The following RNF26 variants were observed in gnomAD, a reference collection of about 807,000 sequenced individuals.
RNF26 encodes the protein E3 ubiquitin-protein ligase RNF26.
In RNF26, 8 loss-of-function variants were observed where a neutral mutation model predicts 25.4. That is an observed-to-expected ratio of 0.31 (90% CI 0.18 to 0.57). The LOEUF is 0.57. Ranked by LOEUF, RNF26 falls within the 20% of genes least tolerant of loss-of-function variation. RNF26 has a pLI of 0.90. For missense variants in RNF26, 470 were observed against 552.0 expected, an observed-to-expected ratio of 0.85 and a Z score of 1.49; for synonymous variants, 262 against 246.7, an observed-to-expected ratio of 1.06 and a Z score of -0.58.
In RNF26 at chr11:119,336,015, C is replaced by A. The variant is rs1424228482; in HGVS notation, c.893C>A (p.Ala298Glu). The A allele has an allele frequency of 1.9e-6, 3 of 1,613,510 alleles. No homozygotes were observed. The highest frequency in any genetic ancestry group is 2.5e-6 in the Non-Finnish European group (3 of 1,180,006). The change falls in exon 1 of 1, where the codon GCG (alanine) becomes GAG (glutamate). Residue 298 changes from alanine to glutamate, a missense_variant. Coordinates refer to ENST00000311413, the MANE Select transcript of RNF26 (RefSeq NM_032015.5). ...GTCTGGAGCCGCAGTCTGCAGCTGG[C>A]GAGTTGGCCAAACCGGGGAGGGGCA... ...RRVWSRSLQL[A>E]SWPNRGGAPG...
In RNF26 at chr11:119,336,209, G is replaced by C. The variant is rs1950440520; in HGVS notation, c.1087G>C (p.Gly363Arg). 1 of 1,614,090 alleles carries C rather than the reference G, an allele frequency of 6.2e-7. No homozygotes were observed. Among genetic ancestry groups the C allele is most frequent in the Non-Finnish European group, 8.5e-7 (1 of 1,180,040 alleles). The change falls in exon 1 of 1, where the codon GGT becomes CGT. Residue 363 changes from glycine to arginine, a missense_variant. By Grantham distance (125) the Gly-to-Arg change is moderately radical. Coordinates refer to ENST00000311413, the MANE Select transcript of RNF26 (RefSeq NM_032015.5). ...RERLNEEEPP[G>R]GQDPWKLLKE... ...GAGGCTCAATGAGGAGGAGCCTCCA[G>C]GTGGGCAAGACCCTTGGAAATTGCT...
In RNF26 at chr11:119,336,116, G is replaced by A. The variant is rs960068240; in HGVS notation, c.994G>A (p.Gly332Arg). 6.2e-7 allele frequency: 1 copy of A among 1,614,164 alleles called. No homozygotes were observed. Among genetic ancestry groups the A allele is most frequent in the East Asian group, 2.2e-5 (1 of 44,880 alleles). ...TRRQDTLPEA[G>R]RRSEAEEEEA... is the part of the protein sequence containing the mutation. ...GAGACAGGACACTCTTCCTGAAGCG[G>A]GGCGCAGATCAGAGGCAGAAGAGGA... Residue 332 changes from glycine (G) to arginine (R), a missense_variant, in exon 1 of 1, where the codon GGG becomes AGG. Gly to Arg is a moderately radical substitution (Grantham distance 125). Transcript: ENST00000311413.
At position 119,336,426 on chromosome 11, in the gene RNF26, GCCT is replaced by G; in HGVS notation, c.*6_*8del. 6.2e-7 allele frequency: 1 copy of G among 1,606,042 alleles called. No homozygotes were observed. Among genetic ancestry groups the G allele is most frequent in the Non-Finnish European group, 8.5e-7 (1 of 1,176,512 alleles). ...CAGACCCTCAATGTCTACCTCTGAA[GCCT>G]CCTTCCCTGCCTGCCCACCCCTCCA... On this transcript the variant is annotated 3_prime_UTR_variant, in exon 1 of 1. Coordinates refer to ENST00000311413, the MANE Select transcript of RNF26 (RefSeq NM_032015.5).
At position 119,336,149 on chromosome 11, in the gene RNF26, A is replaced by G; in HGVS notation, c.1027A>G (p.Arg343Gly). 1 of 1,614,210 alleles carries G rather than the reference A, an allele frequency of 6.2e-7. No individual in the cohort carries two copies. The highest frequency in any genetic ancestry group is 1.3e-5 in the African/African-American group (1 of 75,068). The change falls in exon 1 of 1, where the codon AGG becomes GGG. Residue 343 changes from arginine to glycine, a missense_variant. Coordinates refer to ENST00000311413, the MANE Select transcript of RNF26 (RefSeq NM_032015.5). ...ATCAGAGGCAGAAGAGGAGGAGGCC[A>G]GGACCATCAGAGTGACACCTGTCAG... ...RRSEAEEEEA[R>G]TIRVTPVRGR...
chr11:119,335,156 G>A lies in RNF26; in HGVS notation c.34G>A (p.Gly12Ser). Residue 12 changes from glycine (G) to serine (S), a missense_variant, in exon 1 of 1, where the codon GGC becomes AGC. Coordinates refer to ENST00000311413, the MANE Select transcript of RNF26 (RefSeq NM_032015.5). ...EAVYLVVNGL[G>S]LVLDVLTLVL... ...AGTGTACCTGGTAGTGAATGGGTTG[G>A]GCCTGGTGCTGGACGTGCTGACCTT... 1 of 1,614,066 alleles carries A rather than the reference G, an allele frequency of 6.2e-7. No homozygotes were observed. The highest frequency in any genetic ancestry group is 8.5e-7 in the Non-Finnish European group (1 of 1,179,988).
In RNF26 at chr11:119,335,267, A is replaced by G. The variant is rs200621526; in HGVS notation, c.145A>G (p.Thr49Ala). 39 of 1,614,050 alleles carry G rather than the reference A, an allele frequency of 2.4e-5. No individual in the cohort carries two copies. In the African/African-American group the frequency reaches 3.7e-4, roughly 15 times the overall value. ...GGCCTTCGTCTACAACCTGCCGCAC[A>G]CGGTACTGACTAGTCTTCTGCACTT... ...LLAFVYNLPH[T>A]VLTSLLHLGR... Residue 49 changes from threonine (T) to alanine (A), a missense_variant, in exon 1 of 1, where the codon ACG becomes GCG. Physicochemically the swap from Thr to Ala is moderately conservative, Grantham distance 58 (BLOSUM62 0). Transcript: ENST00000311413.
Position 119,336,602 on chromosome 11 carries a change from T to C in RNF26, c.*178T>C, listed in dbSNP as rs1480572912. 1.6e-6 allele frequency: 1 copy of C among 632,140 alleles called. No homozygotes were observed. Among genetic ancestry groups the C allele is most frequent in the African/African-American group, 1.8e-5 (1 of 54,258 alleles). 39.2% of individuals were successfully genotyped at this position (632,140 alleles called of 1,614,324 possible). A position where few individuals can be genotyped will look rare whatever the true frequency, so the allele number is the denominator to read the frequency against. ...TGATCTGGGTGGGGGCAGGATAACA[T>C]GGCTTCTCTTTACCCAGTGGGTCCC... On this transcript the variant is annotated 3_prime_UTR_variant, in exon 1 of 1. Transcript: ENST00000311413.
In RNF26 at chr11:119,335,055, T is replaced by C. The variant is rs1306535961; in HGVS notation, c.-68T>C. The C allele has an allele frequency of 7.1e-6, 9 of 1,273,850 alleles. No individual in the cohort carries two copies. The highest frequency in any genetic ancestry group is 3.8e-4 in the Middle Eastern group (2 of 5,238). 78.9% of individuals were successfully genotyped at this position (1,273,850 alleles called of 1,614,324 possible). On this transcript the variant is annotated 5_prime_UTR_variant, in exon 1 of 1. Coordinates refer to ENST00000311413, the MANE Select transcript of RNF26 (RefSeq NM_032015.5). ...ATTAATCCCAGACCCCCTAAAATAT[T>C]GACAACCTTGACAACCCCCCAACCG...
Position 119,335,137 on chromosome 11 carries a change from C to G in RNF26, c.15C>G (p.Tyr5Ter). 6.2e-7 allele frequency: 1 copy of G among 1,613,606 alleles called. No homozygotes were observed. The highest frequency in any genetic ancestry group is 1.1e-5 in the South Asian group (1 of 91,022). Residue 5 changes from tyrosine (Y) to a stop codon, truncating the protein, a stop_gained, in exon 1 of 1, where the codon TAC (tyrosine) becomes TAG (stop). Coordinates refer to ENST00000311413, the MANE Select transcript of RNF26 (RefSeq NM_032015.5). LOFTEE classifies it high-confidence loss of function. Reference sequence around the variant, plus strand: ...ATAGCCCTATCATGGAGGCAGTGTACCTGGTAGTGAATGGGTTGGGCCTGG... The same window carrying G: ...ATAGCCCTATCATGGAGGCAGTGTAGCTGGTAGTGAATGGGTTGGGCCTGG... The part of the protein sequence containing the change: MEAV[Y>*]LVVNGLGLVL...
Position 119,336,241 on chromosome 11 carries a change from G to A in RNF26, c.1119G>A (p.Glu373=), listed in dbSNP as rs1362596621. 1.9e-6 allele frequency: 3 copies of A among 1,613,962 alleles called. No homozygotes were observed. The highest frequency in any genetic ancestry group is 2.7e-5 in the African/African-American group (2 of 75,060). Residue 373 remains glutamate, a synonymous_variant, in exon 1 of 1, where the codon GAG becomes GAA. Transcript: ENST00000311413. The stretch of plus-strand genomic sequence containing the variant: ...AAGACCCTTGGAAATTGCTGAAGGA[G>A]CAAGAGGAGCGGAAGAAGTGTGTCA... ...GGQDPWKLLK[E]QEERKKCVIC...
chr11:119,336,675 C>T lies in RNF26; in HGVS notation c.*251C>T. On this transcript the variant is annotated 3_prime_UTR_variant, in exon 1 of 1. Transcript: ENST00000311413. ...ATGTCACTATGCAAGGGCCCTGAGA[C>T]TATTTGCTGTGGGCTCTCCTCCAGC... is the stretch of plus-strand genomic sequence containing the variant. 1 of 554,866 alleles carries T rather than the reference C, an allele frequency of 1.8e-6. No homozygotes were observed. The allele number at this position is 554,866 out of a possible 1,614,324, so 34.4% of individuals were successfully genotyped here.
chr11:119,334,859 C>G lies in RNF26; in HGVS notation c.-264C>G. The G allele has an allele frequency of 1.8e-6, 1 of 541,962 alleles. No homozygotes were observed. Among genetic ancestry groups the G allele is most frequent in the Non-Finnish European group, 3.3e-6 (1 of 303,328 alleles). The allele number at this position is 541,962 out of a possible 1,614,324, so 33.6% of individuals were successfully genotyped here. Reference sequence around the variant, plus strand: ...CTCCTACGGCCTGGGCTCGCCTTCGCTTTAGAGATGTTTGGCCTCTTCCCT... The same window carrying G: ...CTCCTACGGCCTGGGCTCGCCTTCGGTTTAGAGATGTTTGGCCTCTTCCCT... On this transcript the variant is annotated 5_prime_UTR_variant, in exon 1 of 1. Transcript: ENST00000311413.
chr11:119,334,925 C>T lies in RNF26; in HGVS notation c.-198C>T. 3 of 600,498 alleles carry T rather than the reference C, an allele frequency of 5.0e-6. No individual in the cohort carries two copies. In the South Asian group the frequency reaches 6.1e-5, roughly 12 times the overall value. The allele number at this position is 600,498 out of a possible 1,614,324, so 37.2% of individuals were successfully genotyped here. A position where few individuals can be genotyped will look rare whatever the true frequency, so the allele number is the denominator to read the frequency against. ...TTCAAAACCTGGACTCTTGGACTGG[C>T]ACCTGGCCACCTTTCCCTCTACCAA... is the stretch of plus-strand genomic sequence containing the variant. On this transcript the variant is annotated 5_prime_UTR_variant, in exon 1 of 1. Transcript: ENST00000311413.
At position 119,336,439 on chromosome 11, in the gene RNF26, C is replaced by T. The variant is rs1319934133; in HGVS notation, c.*15C>T. 3 of 1,597,636 alleles carry T rather than the reference C, an allele frequency of 1.9e-6. No homozygotes were observed. The highest frequency in any genetic ancestry group is 2.6e-6 in the Non-Finnish European group (3 of 1,170,708). On this transcript the variant is annotated 3_prime_UTR_variant, in exon 1 of 1. Transcript: ENST00000311413. ...TCTACCTCTGAAGCCTCCTTCCCTG[C>T]CTGCCCACCCCTCCATGCTCCACGC... is the stretch of plus-strand genomic sequence containing the variant.
chr11:119,336,118 G>C lies in RNF26; in HGVS notation c.996G>C (p.Gly332=), dbSNP rs148204658. The C allele has an allele frequency of 1.7e-4, 276 of 1,614,074 alleles. No individual in the cohort carries two copies. The highest frequency in any genetic ancestry group is 2.3e-4 in the Non-Finnish European group (268 of 1,180,056). The change falls in exon 1 of 1, where the codon GGG becomes GGC. Residue 332 remains glycine (G), a synonymous_variant. Coordinates refer to ENST00000311413, the MANE Select transcript of RNF26 (RefSeq NM_032015.5). ...TRRQDTLPEA[G]RRSEAEEEEA... ...GACAGGACACTCTTCCTGAAGCGGG[G>C]CGCAGATCAGAGGCAGAAGAGGAGG...
In RNF26 at chr11:119,335,075, C is replaced by A. The variant is rs1358343298; in HGVS notation, c.-48C>A. On this transcript the variant is annotated 5_prime_UTR_variant, in exon 1 of 1. Transcript: ENST00000311413. ...AATATTGACAACCTTGACAACCCCCCAACCGAGGAGCCAGACTTTGTTTTG... is the reference window on the plus strand; with the variant it reads ...AATATTGACAACCTTGACAACCCCCAAACCGAGGAGCCAGACTTTGTTTTG... 4 of 1,497,122 alleles carry A rather than the reference C, an allele frequency of 2.7e-6. No individual in the cohort carries two copies. The highest frequency in any genetic ancestry group is 2.3e-5 in the East Asian group (1 of 44,126). The allele number at this position is 1,497,122 out of a possible 1,614,324, so 92.7% of individuals were successfully genotyped here.
Position 119,336,772 on chromosome 11 carries a change from A to T in RNF26, c.*348A>T. 3.2e-6 allele frequency: 1 copy of T among 308,058 alleles called. No individual in the cohort carries two copies. 19.1% of individuals were successfully genotyped at this position (308,058 alleles called of 1,614,324 possible). ...TCTGGTTTTTCTGTTGGAGATCTAT[A>T]GGTCCTTTTCCTGCCTCCTTCACAT... On this transcript the variant is annotated 3_prime_UTR_variant, in exon 1 of 1. Coordinates refer to ENST00000311413, the MANE Select transcript of RNF26 (RefSeq NM_032015.5).
Position 119,336,675 on chromosome 11 carries a change from C to G in RNF26, c.*251C>G. ...ATGTCACTATGCAAGGGCCCTGAGA[C>G]TATTTGCTGTGGGCTCTCCTCCAGC... On this transcript the variant is annotated 3_prime_UTR_variant, in exon 1 of 1. Transcript: ENST00000311413. 1 of 554,866 alleles carries G rather than the reference C, an allele frequency of 1.8e-6. No individual in the cohort carries two copies. Among genetic ancestry groups the G allele is most frequent in the South Asian group, 2.5e-5 (1 of 40,810 alleles). 34.4% of individuals were successfully genotyped at this position (554,866 alleles called of 1,614,324 possible). A position where few individuals can be genotyped will look rare whatever the true frequency, so the allele number is the denominator to read the frequency against.
rs2248863 is a variant in RNF26, at chr11:119,336,631, G to A, written c.*207G>A. 0.13 allele frequency: 81,084 copies of A among 608,216 alleles called. 6,011 individuals are homozygous for A. The highest frequency in any genetic ancestry group is 0.21 in the African/African-American group (11,388 of 53,750). The allele number at this position is 608,216 out of a possible 1,614,324, so 37.7% of individuals were successfully genotyped here. On this transcript the variant is annotated 3_prime_UTR_variant, in exon 1 of 1. Coordinates refer to ENST00000311413, the MANE Select transcript of RNF26 (RefSeq NM_032015.5). ...TTCTCTTTACCCAGTGGGTCCCTTC[G>A]ATGCTGAGGGTGGTGAGTATGTCAC... is the stretch of plus-strand genomic sequence containing the variant.
Sources: allele counts gnomAD v4.1 joint callset, GRCh38; gene constraint gnomAD v4.1.1; transcripts MANE v1.5; gene names NCBI Gene and HGNC (gene_info 2026-07-23, HGNC 2026-07-21).